TGFBI: variants seen among roughly 807,000 people sequenced by gnomAD.
The protein encoded by TGFBI is transforming growth factor-beta-induced protein ig-h3.
A neutral mutation model predicts 73.7 loss-of-function variants in TGFBI; 50 were observed. The ratio of observed to expected loss-of-function variants is 0.68; its 90% CI spans 0.54 to 0.86. The LOEUF (loss-of-function observed/expected upper bound fraction) is 0.86. Among genes scored for constraint, TGFBI ranks in the 40% least tolerant of loss-of-function variants. The pLI is 0.00. For synonymous variants in TGFBI, 362 were observed against 360.5 expected (o/e 1.00, Z -0.05); for missense variants, 839 against 877.0 (o/e 0.96, Z 0.55).
chr5:136,052,516 A>G (rs975025613), intron 7 of TGFBI, among the ~76,000 whole-genome samples: 1 of 152,252 alleles, frequency 6.6e-6, no homozygotes, highest in Non-Finnish European at 1.5e-5. Flanking sequence ...TCAGCTACAA[A>G]TAAGCTAATC....
At chr5:136,045,143 A>G (rs1313655886) in intron 3 of TGFBI, among the ~76,000 whole-genome samples, 10 of 152,182 alleles carry the variant, frequency 6.6e-5, no homozygotes, top group Non-Finnish European at 8.8e-5. Flanking sequence ...GCAGTGGCTC[A>G]TGCCTTTGAT....
intron 16 of TGFBI, 123 bp downstream of exon 16, chr5:136,062,810 C>T: frequency 9.0e-7 from 1 of 1,114,414 alleles, no homozygotes; most frequent in Admixed American, 2.3e-5. Flanking sequence ...GAAGCCTGGC[C>T]TTTGGAGTCA....
In TGFBI at chr5:136,053,994, A is replaced by T. The variant is rs770486230; in HGVS notation, c.1178A>T (p.Asp393Val). 1.9e-6 allele frequency: 3 copies of T among 1,613,900 alleles called. No individual in the cohort carries two copies. The South Asian group carries it at 3.3e-5, about 18-fold the overall frequency. The change falls in exon 9 of 17, where the codon GAC becomes GTC. Residue 393 changes from aspartate to valine, a missense_variant. Transcript: ENST00000442011. ...GAGTCTGATGTGTCCACAGCCATTG[A>T]CCTTTTCAGACAAGCCGGCCTCGGC... ...AAESDVSTAI[D>V]LFRQAGLGNH...
intron 12 of TGFBI, among the ~76,000 whole-genome samples, chr5:136,057,099 C>T (rs1401402470): frequency 6.6e-6 from 1 of 152,096 alleles, no homozygotes; most frequent in Non-Finnish European, 1.5e-5. Flanking sequence ...CAGCCAGCCA[C>T]TGTCAGAACC....
intron 3 of TGFBI, chr5:136,044,883 C>T (rs1454595274): frequency 6.6e-6 from 1 of 152,188 alleles, no homozygotes; most frequent in African/African-American, 2.4e-5. Context: ...ATAGTATTTG[C>T]ATGTAATCTA....
intron 2 of TGFBI, 134 bp from the exon 3 acceptor site, chr5:136,043,924 A>T: frequency 1.4e-6 from 1 of 703,280 alleles, no homozygotes; most frequent in East Asian, 2.7e-5. Context: ...TTAGCAAATA[A>T]CTCCTAAGAG....
chr5:136,043,990 A>T, intron 2 of TGFBI, 68 bp from the exon 3 acceptor site: 11 of 1,365,650 alleles, frequency 8.1e-6, no homozygotes, highest in Non-Finnish European at 1.1e-5. Flanking sequence ...CTTAGTGGAG[A>T]GGGGCCAGAT....
chr5:136,041,096 G>T (rs1342363894), intron 2 of TGFBI, among the ~76,000 whole-genome samples: 3 of 152,242 alleles, frequency 2.0e-5, no homozygotes, highest in Non-Finnish European at 4.4e-5. Context: ...TGGGGCAGTT[G>T]GAGGCAGGTG....
At position 136,063,248 on chromosome 5, in the gene TGFBI, T is replaced by A; in HGVS notation, c.*22T>A. 6.2e-7 allele frequency: 1 copy of A among 1,610,288 alleles called. No homozygotes were observed. On this transcript the variant is annotated 3_prime_UTR_variant, in exon 17 of 17. Coordinates refer to ENST00000442011, the MANE Select transcript of TGFBI (RefSeq NM_000358.3). The stretch of plus-strand genomic sequence containing the variant: ...TTAGCTTGAAGCACTACAGGAGGAA[T>A]GCACCACGGCAGCTCTCCGCCAATT...
chr5:136,045,798 G>C (rs1162796496), intron 3 of TGFBI: 1 of 152,140 alleles, frequency 6.6e-6, no homozygotes, highest in Non-Finnish European at 1.5e-5. Flanking sequence ...AGCTCATTTT[G>C]GTCTAAGAAA....
intron 1 of TGFBI, among the ~76,000 whole-genome samples, chr5:136,033,129 C>A (rs1002977588): frequency 6.6e-6 from 1 of 152,102 alleles, no homozygotes; most frequent in African/African-American, 2.4e-5. Flanking sequence ...AGACACCCCC[C>A]ACCTCCCCGC....
chr5:136,031,210 A>AGTT (rs1358443067), intron 1 of TGFBI, among the ~76,000 whole-genome samples: 2 of 152,232 alleles, frequency 1.3e-5, no homozygotes, highest in African/African-American at 2.4e-5. Context: ...TTGCAGGCAC[A>AGTT]GTTGTATTTA....
At chr5:136,048,310 T>C (rs1751471644) in intron 6 of TGFBI, 1 of 152,256 alleles carries the variant, frequency 6.6e-6, no homozygotes, top group African/African-American at 2.4e-5. Context: ...TGAACAGCAA[T>C]TGATCCCTTT....
intron 12 of TGFBI, among the ~76,000 whole-genome samples, chr5:136,057,756 T>C (rs1026613320): frequency 6.6e-5 from 10 of 152,138 alleles, no homozygotes; most frequent in Non-Finnish European, 1.3e-4. Flanking sequence ...AAAGTTCAGG[T>C]TGCAGGCAGC....
At chr5:136,029,915 G>A (rs532534156) in intron 1 of TGFBI, among the ~76,000 whole-genome samples, 1 of 152,298 alleles carries the variant, frequency 6.6e-6, no homozygotes, top group African/African-American at 2.4e-5. Flanking sequence ...GTTTGTAAAT[G>A]TAGGACACTA....
intron 10 of TGFBI, 64 bp downstream of exon 10, chr5:136,054,925 A>C (rs753604599): frequency 7.3e-7 from 1 of 1,375,088 alleles, no homozygotes; most frequent in East Asian, 2.5e-5. Flanking sequence ...GTATTAGTGT[A>C]AAAAAAAATG....
At chr5:136,050,882 G>C (rs976929617) in intron 7 of TGFBI, among the ~76,000 whole-genome samples, 2 of 152,152 alleles carry the variant, frequency 1.3e-5, no homozygotes, top group African/African-American at 4.8e-5. Context: ...GGCCGGCACT[G>C]GGGACAGAGG....
intron 5 of TGFBI, 26 bp from the exon 6 acceptor site, chr5:136,047,248 C>T (rs1465809227): frequency 3.7e-6 from 6 of 1,612,052 alleles, no homozygotes; most frequent in Non-Finnish European, 4.2e-6. Context: ...GTGTTGACTG[C>T]TCATCCTTGC....
rs1458488619 is a variant in TGFBI, at chr5:136,029,143, T to C, written c.88T>C (p.Tyr30His). The C allele has an allele frequency of 3.3e-5, 50 of 1,524,534 alleles. No homozygotes were observed. The highest frequency in any genetic ancestry group is 5.0e-5 in the East Asian group (2 of 39,638). The allele number at this position is 1,524,534 out of a possible 1,614,324, so 94.4% of individuals were successfully genotyped here. Reference sequence around the variant, plus strand: ...CCTGGCGGGTCCCGCCAAGTCGCCCTACCAGCTGGTGCTGCAGCACAGCAG... The same window carrying C: ...CCTGGCGGGTCCCGCCAAGTCGCCCCACCAGCTGGTGCTGCAGCACAGCAG... ...ATLAGPAKSP[Y>H]QLVLQHSRLR... Residue 30 changes from tyrosine to histidine, a missense_variant, in exon 1 of 17, where the codon TAC (tyrosine) becomes CAC (histidine). Coordinates refer to ENST00000442011, the MANE Select transcript of TGFBI (RefSeq NM_000358.3).
Sources: gnomAD v4.1 joint callset for allele counts (sites outside exome capture counted in the v4.1 genomes callset) on GRCh38, gnomAD v4.1.1 for gene constraint, MANE v1.5 for transcripts, NCBI Gene and HGNC (gene_info 2026-07-23, HGNC 2026-07-21) for gene names.